ATXN1: variants seen among roughly 807,000 people sequenced by gnomAD.
The protein encoded by ATXN1 is ataxin 1, also known as ataxin-1.
In ATXN1, 8 loss-of-function variants were observed where a neutral mutation model predicts 56.4. The ratio of observed to expected loss-of-function variants is 0.14; its 90% confidence interval spans 0.08 to 0.26. The LOEUF (loss-of-function observed/expected upper bound fraction) is 0.26. ATXN1 is among the 10% of genes least tolerant of loss of function. The probability of loss-of-function intolerance (pLI) is 1.00; values close to 1 mark genes in which losing one functional copy is unlikely to be tolerated. For synonymous variants in ATXN1, 514 were observed against 494.6 expected (o/e 1.04, Z -0.52); for missense variants, 987 against 1,106.5 (o/e 0.89, Z 1.53).
intron 6 of ATXN1, among the ~76,000 whole-genome samples, chr6:16,403,640 G>A (rs889286517): frequency 2.6e-5 from 4 of 152,126 alleles, no homozygotes; most frequent in East Asian, 1.9e-4. Flanking sequence ...CGTGAGCCAT[G>A]GCGCCCGGCC....
intron 2 of ATXN1, among the ~76,000 whole-genome samples, chr6:16,697,445 CTT>C (rs945652933): frequency 6.7e-6 from 1 of 149,088 alleles, no homozygotes; most frequent in Non-Finnish European, 1.5e-5. Flanking sequence ...TAACAGCACT[CTT>C]TTTTTTTTGG....
chr6:16,455,897 A>G (rs1201967587), intron 6 of ATXN1, among the ~76,000 whole-genome samples: 1 of 152,226 alleles, frequency 6.6e-6, no homozygotes. Context: ...AACGCTCTGT[A>G]AAATGCACCA....
intron 3 of ATXN1, among the ~76,000 whole-genome samples, chr6:16,627,097 A>G (rs1260780101): frequency 1.3e-5 from 2 of 152,210 alleles, no homozygotes; most frequent in Admixed American, 6.5e-5. Flanking sequence ...TAGAAAGACA[A>G]TGTGAACTGG....
intron 7 of ATXN1, among the ~76,000 whole-genome samples, chr6:16,307,782 A>C (rs1249380264): frequency 6.6e-6 from 1 of 152,206 alleles, no homozygotes; most frequent in African/African-American, 2.4e-5. Context: ...CTGAACAAAA[A>C]TATAAGCAAA....
At chr6:16,320,883 G>T (rs373557364) in intron 7 of ATXN1, among the ~76,000 whole-genome samples, 3 of 152,230 alleles carry the variant, frequency 2.0e-5, no homozygotes, top group East Asian at 3.9e-4. Context: ...CCACCCCGAG[G>T]ATTACAGGCA....
At chr6:16,712,369 G>T (rs1034381367) in intron 2 of ATXN1, among the ~76,000 whole-genome samples, 5 of 152,190 alleles carry the variant, frequency 3.3e-5, no homozygotes, top group African/African-American at 1.2e-4. Flanking sequence ...ACATGCTTGA[G>T]TGAAAACAGC....
At chr6:16,730,139 C>T (rs1208811381) in intron 2 of ATXN1, among the ~76,000 whole-genome samples, 1 of 152,076 alleles carries the variant, frequency 6.6e-6, no homozygotes, top group East Asian at 1.9e-4. Context: ...AAAAATTAGT[C>T]GGGCATGGTG....
chr6:16,505,552 A>C (rs556022415), intron 5 of ATXN1, among the ~76,000 whole-genome samples: 2 of 152,286 alleles, frequency 1.3e-5, no homozygotes, highest in African/African-American at 4.8e-5. Flanking sequence ...AGATTTTGAA[A>C]TTTCCCCTTG....
chr6:16,474,898 G>A (rs1166737435), intron 6 of ATXN1, among the ~76,000 whole-genome samples: 1 of 151,664 alleles, frequency 6.6e-6, no homozygotes, highest in Non-Finnish European at 1.5e-5. Flanking sequence ...TTTGCTGAAA[G>A]AAGATACAAG....
chr6:16,453,414 T>C (rs1759795466), intron 6 of ATXN1, among the ~76,000 whole-genome samples: 1 of 152,086 alleles, frequency 6.6e-6, no homozygotes, highest in Admixed American at 6.6e-5. Flanking sequence ...TGAGCCAAGA[T>C]TGCGCCACTG....
At chr6:16,334,653 G>A (rs773373712) in intron 6 of ATXN1, among the ~76,000 whole-genome samples, 3 of 152,156 alleles carry the variant, frequency 2.0e-5, no homozygotes, top group Non-Finnish European at 4.4e-5. Context: ...GGAGGTTGAG[G>A]CTGCAGTGAG....
At chr6:16,514,235 G>C (rs1186747599) in intron 5 of ATXN1, among the ~76,000 whole-genome samples, 1 of 152,004 alleles carries the variant, frequency 6.6e-6, no homozygotes. Context: ...CCCTCTTGTT[G>C]GATCACAAAG....
At chr6:16,667,167 T>G (rs964381245) in intron 2 of ATXN1, 1 of 152,020 alleles carries the variant, frequency 6.6e-6, no homozygotes, top group Admixed American at 6.6e-5. Flanking sequence ...GAAATGGAGG[T>G]GAAGGAGCTA....
At chr6:16,688,585 G>A (rs534203604) in intron 2 of ATXN1, among the ~76,000 whole-genome samples, 1 of 152,316 alleles carries the variant, frequency 6.6e-6, no homozygotes, top group Admixed American at 6.5e-5. Flanking sequence ...TTGACAAGCT[G>A]TAACATCCTG....
intron 4 of ATXN1, among the ~76,000 whole-genome samples, chr6:16,567,695 A>G (rs896159668): frequency 4.0e-5 from 6 of 151,898 alleles, no homozygotes; most frequent in Non-Finnish European, 8.8e-5. Flanking sequence ...CTGAGAAGGC[A>G]TATCTCCAGG....
intron 6 of ATXN1, among the ~76,000 whole-genome samples, chr6:16,358,675 C>T (rs1218566359): frequency 6.6e-6 from 1 of 152,204 alleles, no homozygotes; most frequent in Non-Finnish European, 1.5e-5. Context: ...GGGAGCTCCG[C>T]GTGCCACTGC....
At chr6:16,636,787 A>C (rs879573815) in intron 3 of ATXN1, among the ~76,000 whole-genome samples, 1 of 152,238 alleles carries the variant, frequency 6.6e-6, no homozygotes, top group Non-Finnish European at 1.5e-5. Flanking sequence ...ACTTTAAAAA[A>C]TAATCTAAAC....
chr6:16,753,688 G>A (rs969638741), intron 1 of ATXN1, among the ~76,000 whole-genome samples: 2 of 152,182 alleles, frequency 1.3e-5, no homozygotes, highest in African/African-American at 4.8e-5. Context: ...ACTACAAGGA[G>A]TATCAGGTGA....
chr6:16,680,949 T>C (rs1056582395), intron 2 of ATXN1, among the ~76,000 whole-genome samples: 18 of 152,106 alleles, frequency 1.2e-4, no homozygotes, highest in Non-Finnish European at 2.9e-5. Context: ...ATCGATTGAG[T>C]GATTTCATTA....
Sources: gnomAD v4.1 joint callset for allele counts (sites outside exome capture counted in the v4.1 genomes callset) on GRCh38, gnomAD v4.1.1 for gene constraint, MANE v1.5 for transcripts, NCBI Gene and HGNC (gene_info 2026-07-23, HGNC 2026-07-21) for gene names.